The following ABCB5 variants were observed in gnomAD, a reference collection of about 807,000 sequenced individuals.
The protein encoded by ABCB5 is ATP-binding cassette sub-family B member 5.
A neutral mutation model predicts 144.2 loss-of-function variants in ABCB5; 155 were observed. The ratio of observed to expected loss-of-function variants is 1.08; its 90% CI spans 0.94 to 1.23. The LOEUF (loss-of-function observed/expected upper bound fraction) is 1.23, where lower values mean the gene tolerates loss of function less well. ABCB5 is among the 50% of genes most tolerant of loss of function. ABCB5 has a pLI of 0.00. For synonymous variants in ABCB5, 610 were observed against 528.6 expected, an observed-to-expected ratio of 1.15 and a Z score of -2.11; for missense variants, 1,830 against 1,520.8, an observed-to-expected ratio of 1.20 and a Z score of -3.38.
chr7:20,615,692 A>T lies in ABCB5; in HGVS notation c.-167A>T, dbSNP rs1275571661. 6.6e-6 allele frequency: 1 copy of T among 152,130 alleles called. No individual in the cohort carries two copies. The highest frequency in any genetic ancestry group is 1.5e-5 in the Non-Finnish European group (1 of 68,134). 9.4% of individuals were successfully genotyped at this position (152,130 alleles called of 1,614,324 possible). On this transcript the variant is annotated 5_prime_UTR_variant, in exon 1 of 28. Coordinates refer to ENST00000404938, the MANE Select transcript of ABCB5 (RefSeq NM_001163941.2). ...GGCACTTCCAAAATCCACAAGCCAG[A>T]CTAGAAGGCTGGAAATTCTGGCAAA...
chr7:20,736,767 G>C (rs149466855), intron 23 of ABCB5, among the ~76,000 whole-genome samples: 80 of 152,334 alleles, frequency 5.3e-4, no homozygotes, highest in Non-Finnish European at 1.0e-3. Context: ...CTGAATTTCA[G>C]TTTAGCTCAC....
At chr7:20,673,371 A>G (rs1273812313) in intron 14 of ABCB5, among the ~76,000 whole-genome samples, 1 of 152,052 alleles carries the variant, frequency 6.6e-6, no homozygotes, top group Non-Finnish European at 1.5e-5. Context: ...TTAATTCTTC[A>G]ACTATTACTG....
Position 20,711,849 on chromosome 7 carries a change from CTTTCT to C in ABCB5, c.2421+7045_2421+7049del, listed in dbSNP as rs1787072448. ...CTTTCTTTCTTTCTTTCTTTCTTTT[CTTTCT>C]TTCTTTCCTTCCTCCCTCCCTCCCT... On this transcript the variant is annotated intron_variant, in intron 20 of 27. Coordinates refer to ENST00000404938, the MANE Select transcript of ABCB5 (RefSeq NM_001163941.2). Among the ~76,000 whole-genome samples, 9 of 60,748 alleles carry C rather than the reference CTTTCT, an allele frequency of 1.5e-4. 2 individuals carry two copies. The highest frequency in any genetic ancestry group is 6.0e-4 in the African/African-American group (9 of 15,042). The allele number at this position is 60,748 out of a possible 152,430, so 39.9% of individuals were successfully genotyped here.
intron 7 of ABCB5, 83 bp from the exon 8 acceptor site, chr7:20,645,673 A>G: frequency 6.6e-7 from 1 of 1,513,916 alleles, no homozygotes; most frequent in Non-Finnish European, 8.9e-7. Context: ...TCTACTTAGA[A>G]TTCAAATTCT....
At chr7:20,627,656 C>G (rs149557730) in intron 3 of ABCB5, among the ~76,000 whole-genome samples, 11 of 146,676 alleles carry the variant, frequency 7.5e-5, no homozygotes, top group East Asian at 2.1e-4. Flanking sequence ...TTCAAAACAG[C>G]CCTTAAAATT....
intron 23 of ABCB5, among the ~76,000 whole-genome samples, chr7:20,737,397 T>C (rs1026775429): frequency 2.0e-5 from 3 of 152,144 alleles, no homozygotes; most frequent in Non-Finnish European, 2.9e-5. Context: ...CTTTGGGTCA[T>C]TTACCTCCCA....
rs540600981 is a variant in ABCB5 at position 20,655,490 on chromosome 7, C to G, written c.1537-3016C>G. Among the ~76,000 whole-genome samples the G allele has an allele frequency of 6.6e-5, 10 of 151,216 alleles. No homozygotes were observed. In the South Asian group the frequency reaches 2.1e-3, roughly 32 times the overall value. ...TCTGCTCCCCCGCACCTCCCCCCAGCCCCCCAAAAAAAGCTAGATGTCTAA... is the reference window on the plus strand; with the variant it reads ...TCTGCTCCCCCGCACCTCCCCCCAGGCCCCCAAAAAAAGCTAGATGTCTAA... On this transcript the variant is annotated intron_variant, in intron 13 of 27. Coordinates refer to ENST00000404938, the MANE Select transcript of ABCB5 (RefSeq NM_001163941.2).
intron 20 of ABCB5, among the ~76,000 whole-genome samples, chr7:20,708,706 C>T (rs950009971): frequency 3.3e-5 from 5 of 152,116 alleles, no homozygotes; most frequent in African/African-American, 4.8e-5. Flanking sequence ...ATGATAAATT[C>T]AATTACTTCC....
intron 20 of ABCB5, among the ~76,000 whole-genome samples, chr7:20,719,548 T>TA (rs1781795186): frequency 6.6e-6 from 1 of 152,148 alleles, no homozygotes; most frequent in Admixed American, 6.6e-5. Context: ...ACTACTATGA[T>TA]AGAGTGGCTA....
rs1461144577 is a variant in ABCB5 at position 20,709,685 on chromosome 7, C to T, written c.2421+4878C>T. ...CTGAGATGTGTAGCATGCTGAGAAGCAGGGTAAAGTGATGAGAGTGGCACA... is the reference window on the plus strand; with the variant it reads ...CTGAGATGTGTAGCATGCTGAGAAGTAGGGTAAAGTGATGAGAGTGGCACA... On this transcript the variant is annotated intron_variant, in intron 20 of 27. Transcript: ENST00000404938. Among the ~76,000 whole-genome samples the T allele has an allele frequency of 1.3e-5, 2 of 150,060 alleles. 1 individual carries two copies. Among genetic ancestry groups the T allele is most frequent in the Non-Finnish European group, 3.0e-5 (2 of 67,438 alleles).
chr7:20,642,844 T>A (rs1186834145), intron 5 of ABCB5, among the ~76,000 whole-genome samples: 1 of 152,204 alleles, frequency 6.6e-6, no homozygotes, highest in African/African-American at 2.4e-5. Flanking sequence ...TTGACTGCTA[T>A]CATTATTTTT....
Position 20,704,775 on chromosome 7 carries a change from A to G in ABCB5, c.2389A>G (p.Ile797Val), listed in dbSNP as rs758277090. 1.9e-6 allele frequency: 3 copies of G among 1,613,642 alleles called. No individual in the cohort carries two copies. The highest frequency in any genetic ancestry group is 3.3e-5 in the Admixed American group (2 of 60,000). ...AAACAGCACAGGAGGCTTGACAACAATATTAGCCATAGATATAGCACAAAT... is the reference window on the plus strand; with the variant it reads ...AAACAGCACAGGAGGCTTGACAACAGTATTAGCCATAGATATAGCACAAAT... ...KENSTGGLTT[I>V]LAIDIAQIQG... The change falls in exon 20 of 28, where the codon ATA becomes GTA. Residue 797 changes from isoleucine to valine, a missense_variant. Transcript: ENST00000404938.
chr7:20,721,215 A>G (rs972470002), intron 20 of ABCB5, among the ~76,000 whole-genome samples: 6 of 152,212 alleles, frequency 3.9e-5, no homozygotes, highest in African/African-American at 1.4e-4. Flanking sequence ...ATGATAGAGT[A>G]TCAGGTCAGC....
Position 20,713,766 on chromosome 7 carries a change from G to A in ABCB5, c.2421+8959G>A, listed in dbSNP as rs775230237. Among the ~76,000 whole-genome samples the A allele has an allele frequency of 4.3e-4, 65 of 149,466 alleles. 7 individuals carry two copies. The highest frequency in any genetic ancestry group is 4.1e-3 in the Admixed American group (61 of 14,990). On this transcript the variant is annotated intron_variant, in intron 20 of 27. Transcript: ENST00000404938. ...CTACCTACGCCCTGTGGCTCAGAAG[G>A]TTTTCCAGTCTGGCTGCTGTTACCA...
chr7:20,650,765 T>C (rs1424320542), intron 12 of ABCB5, among the ~76,000 whole-genome samples: 1 of 152,210 alleles, frequency 6.6e-6, no homozygotes, highest in Non-Finnish European at 1.5e-5. Flanking sequence ...TAGTTTTCAT[T>C]TGGAGTATCC....
intron 26 of ABCB5, among the ~76,000 whole-genome samples, chr7:20,750,828 C>G (rs1583470263): frequency 1.3e-5 from 2 of 152,232 alleles, no homozygotes; most frequent in East Asian, 3.9e-4. Flanking sequence ...TACCACTTAT[C>G]TCATAGAAAT....
At chr7:20,674,327 T>C (rs4721932) in intron 14 of ABCB5, among the ~76,000 whole-genome samples, 11 of 151,908 alleles carry the variant, frequency 7.2e-5, no homozygotes, top group Admixed American at 7.2e-4. Flanking sequence ...ATTTCAGCTG[T>C]CATATGTTTT....
intron 16 of ABCB5, among the ~76,000 whole-genome samples, chr7:20,686,957 C>G (rs1562562449): frequency 6.6e-6 from 1 of 152,198 alleles, no homozygotes; most frequent in Non-Finnish European, 1.5e-5. Context: ...AGCTACAACT[C>G]TTTCCTTTTA....
At chr7:20,675,049 A>G (rs761580266) in intron 14 of ABCB5, among the ~76,000 whole-genome samples, 1 of 152,030 alleles carries the variant, frequency 6.6e-6, no homozygotes, top group Non-Finnish European at 1.5e-5. Flanking sequence ...AAGACTTGAT[A>G]TTGTTAAATG....
Sources: allele counts gnomAD v4.1 joint callset (sites outside exome capture counted in the v4.1 genomes callset), GRCh38; gene constraint gnomAD v4.1.1; transcripts MANE v1.5; gene names NCBI Gene and HGNC (gene_info 2026-07-23, HGNC 2026-07-21).